Variants in DCC observed in about 807,000 individuals in gnomAD.
DCC encodes DCC netrin 1 receptor.
In DCC, 58 loss-of-function variants were observed where a neutral mutation model predicts 172.5. The observed-to-expected ratio is 0.34, with a 90% CI of 0.27 to 0.42. DCC has a LOEUF of 0.42. DCC is among the 10% of genes least tolerant of loss of function. DCC has a pLI of 1.00. For synonymous variants in DCC, 709 were observed against 644.5 expected (o/e 1.10, Z -1.52); for missense variants, 1,740 against 1,791.0 (o/e 0.97, Z 0.51).
chr18:52,925,491 T>C (rs2040187488), intron 5 of DCC, 121 bp downstream of exon 5: 1 of 961,470 alleles, frequency 1.0e-6, no homozygotes. Context: ...AAAGTCCCAA[T>C]ACTCCACACA....
chr18:52,596,642 T>G (rs1178659292), intron 1 of DCC, among the ~76,000 whole-genome samples: 1 of 152,074 alleles, frequency 6.6e-6, no homozygotes, highest in Admixed American at 6.6e-5. Context: ...AAACCCAGAG[T>G]AATAAAATGA....
At chr18:53,188,536 C>A (rs541496452) in intron 9 of DCC, among the ~76,000 whole-genome samples, 6 of 152,128 alleles carry the variant, frequency 3.9e-5, no homozygotes, top group Non-Finnish European at 7.4e-5. Context: ...GCTAACTGAT[C>A]TTACACAATT....
intron 1 of DCC, among the ~76,000 whole-genome samples, chr18:52,660,409 A>G (rs1380043792): frequency 1.3e-5 from 2 of 152,096 alleles, no homozygotes; most frequent in Non-Finnish European, 2.9e-5. Context: ...ACACAAGAAC[A>G]TCAAGCAGAA....
At chr18:52,594,862 C>T (rs990840055) in intron 1 of DCC, among the ~76,000 whole-genome samples, 1 of 152,186 alleles carries the variant, frequency 6.6e-6, no homozygotes, top group African/African-American at 2.4e-5. Context: ...TGCCCCCATA[C>T]CCAAAGCACC....
intron 2 of DCC, among the ~76,000 whole-genome samples, chr18:52,784,055 C>A (rs956986220): frequency 6.6e-6 from 1 of 151,954 alleles, no homozygotes; most frequent in African/African-American, 2.4e-5. Flanking sequence ...CATATTTGTA[C>A]CTATTGACTA....
Position 53,505,969 on chromosome 18 carries a change from A to C in DCC, c.4111+6459A>C, listed in dbSNP as rs560926818. Among the ~76,000 whole-genome samples the C allele has an allele frequency of 3.9e-5, 6 of 152,348 alleles. No individual in the cohort carries two copies. In the East Asian group the frequency reaches 7.7e-4, roughly 20 times the overall value. On this transcript the variant is annotated intron_variant, in intron 27 of 28. Transcript: ENST00000442544. ...AGCATCTTTTTAAAAATCAACTTACATAAAAGTAGTAAGGCTTATGCTTTA... is the reference window on the plus strand; with the variant it reads ...AGCATCTTTTTAAAAATCAACTTACCTAAAAGTAGTAAGGCTTATGCTTTA...
chr18:53,291,489 G>A (rs1043126858), intron 12 of DCC, among the ~76,000 whole-genome samples: 1 of 152,000 alleles, frequency 6.6e-6, no homozygotes. Context: ...TCACCTTACT[G>A]CTCAAATTCT....
At chr18:52,639,598 G>T (rs1171337056) in intron 1 of DCC, among the ~76,000 whole-genome samples, 4 of 151,978 alleles carry the variant, frequency 2.6e-5, no homozygotes, top group Non-Finnish European at 5.9e-5. Flanking sequence ...AACCCTCCTA[G>T]CTTAAACCAG....
chr18:53,091,851 CAATCTATCTATATA>C (rs1363772887), intron 7 of DCC, among the ~76,000 whole-genome samples: 2 of 54,358 alleles, frequency 3.7e-5, no homozygotes, highest in African/African-American at 9.4e-5. Flanking sequence ...ATCTATCTAT[CAATCTATCTATATA>C]TATATATATA....
intron 1 of DCC, among the ~76,000 whole-genome samples, chr18:52,724,791 C>G (rs1486392502): frequency 6.6e-6 from 1 of 152,160 alleles, no homozygotes; most frequent in Non-Finnish European, 1.5e-5. Flanking sequence ...ACAGGTAAAC[C>G]AGCACAGTGA....
At chr18:53,190,765 T>C (rs1458961913) in intron 9 of DCC, among the ~76,000 whole-genome samples, 1 of 151,984 alleles carries the variant, frequency 6.6e-6, no homozygotes, top group African/African-American at 2.4e-5. Context: ...GCTAACACGG[T>C]GAAACCCCTT....
chr18:53,393,921 C>CT (rs56679203), intron 17 of DCC, among the ~76,000 whole-genome samples: 46,601 of 149,708 alleles, frequency 0.31, 9,023 homozygotes, highest in Non-Finnish European at 0.45. Context: ...CTCCCTCTCT[C>CT]CCTCCCTCCC....
chr18:52,353,909 C>T (rs1352407582), intron 1 of DCC, among the ~76,000 whole-genome samples: 1 of 152,214 alleles, frequency 6.6e-6, no homozygotes, highest in African/African-American at 2.4e-5. Context: ...GCTGTTTTCT[C>T]TCCCTGCCTA....
At chr18:53,249,400 G>A (rs750192557) in intron 12 of DCC, among the ~76,000 whole-genome samples, 1 of 151,842 alleles carries the variant, frequency 6.6e-6, no homozygotes, top group Non-Finnish European at 1.5e-5. Flanking sequence ...ATCTAGTCAC[G>A]TGTTTTTGAC....
At chr18:52,547,333 T>C (rs565232166) in intron 1 of DCC, among the ~76,000 whole-genome samples, 7 of 152,292 alleles carry the variant, frequency 4.6e-5, no homozygotes, top group African/African-American at 1.2e-4. Flanking sequence ...ATGGAACTAT[T>C]GTAAATTGGG....
intron 1 of DCC, among the ~76,000 whole-genome samples, chr18:52,724,595 A>G (rs901392444): frequency 6.6e-6 from 1 of 152,086 alleles, no homozygotes; most frequent in Non-Finnish European, 1.5e-5. Flanking sequence ...TGAACCTGAA[A>G]TCTTCCTAAG....
At chr18:52,572,143 T>A (rs1385605795) in intron 1 of DCC, among the ~76,000 whole-genome samples, 1 of 152,156 alleles carries the variant, frequency 6.6e-6, no homozygotes, top group Non-Finnish European at 1.5e-5. Context: ...TGGAGAAAAT[T>A]CCATAGAAAT....
rs2144164654 is a variant in DCC at position 53,087,686 on chromosome 18, G to A, written c.1261+21520G>A. Among the ~76,000 whole-genome samples the A allele has an allele frequency of 3.3e-5, 5 of 151,882 alleles. 1 individual carries two copies. In the South Asian group the frequency reaches 1.0e-3, roughly 31 times the overall value. ...ACATGAAGTCCTTGCCCATGCCTAT[G>A]TCCTGAATGGTAATGCCTAGGTTTT... On this transcript the variant is annotated intron_variant, in intron 7 of 28. Transcript: ENST00000442544.
chr18:52,351,927 A>G (rs1312031095), intron 1 of DCC, among the ~76,000 whole-genome samples: 1 of 152,116 alleles, frequency 6.6e-6, no homozygotes, highest in Non-Finnish European at 1.5e-5. Flanking sequence ...GAATCAACCT[A>G]CCATCTACCA....
Sources: allele counts gnomAD v4.1 joint callset (sites outside exome capture counted in the v4.1 genomes callset), GRCh38; gene constraint gnomAD v4.1.1; transcripts MANE v1.5; gene names NCBI Gene and HGNC (gene_info 2026-07-23, HGNC 2026-07-21).